The following NEIL2 variants were observed in gnomAD, a reference collection of about 807,000 sequenced individuals.
The protein encoded by NEIL2 is endonuclease 8-like 2.
A neutral mutation model predicts 22.2 loss-of-function variants in NEIL2; 23 were observed. The observed-to-expected ratio is 1.04, with a 90% CI of 0.75 to 1.47. The LOEUF is 1.47. NEIL2 is among the 40% of genes most tolerant of loss of function. NEIL2 has a pLI of 0.00. For synonymous variants in NEIL2, 229 were observed against 164.8 expected, an observed-to-expected ratio of 1.39 and a Z score of -2.99; for missense variants, 583 against 404.7, an observed-to-expected ratio of 1.44 and a Z score of -3.78.
Position 11,770,078 on chromosome 8 carries a change from C to T in NEIL2, c.-260C>T, listed in dbSNP as rs8191521. 14 of 152,216 alleles carry T rather than the reference C, an allele frequency of 9.2e-5. No homozygotes were observed. Among genetic ancestry groups the T allele is most frequent in the East Asian group, 7.7e-4 (4 of 5,164 alleles). 9.4% of individuals were successfully genotyped at this position (152,216 alleles called of 1,614,324 possible). The stretch of plus-strand genomic sequence containing the variant: ...TCCCTGGCTGGCGCAGCGCCAGCCT[C>T]GAGCTCCTCGGTAGCCCCCGGGCAG... On this transcript the variant is annotated 5_prime_UTR_variant, in exon 1 of 5. Transcript: ENST00000284503.
At chr8:11,778,755 C>T (rs1804124958) in intron 2 of NEIL2, among the ~76,000 whole-genome samples, 1 of 151,900 alleles carries the variant, frequency 6.6e-6, no homozygotes, top group South Asian at 2.1e-4. Flanking sequence ...AGTTCGAGAC[C>T]AGCCTTGCTA....
chr8:11,780,374 T>C (rs1196562999), intron 3 of NEIL2, among the ~76,000 whole-genome samples: 2 of 152,160 alleles, frequency 1.3e-5, no homozygotes, highest in African/African-American at 4.8e-5. Flanking sequence ...GTATTCAGCT[T>C]GATGAGTTTT....
chr8:11,784,271 G>A (rs1328933104), intron 4 of NEIL2, among the ~76,000 whole-genome samples: 1 of 152,226 alleles, frequency 6.6e-6, no homozygotes, highest in Non-Finnish European at 1.5e-5. Context: ...GTCGGAAGTG[G>A]CTTTTTGGGT....
Position 11,787,214 on chromosome 8 carries a change from C to G in NEIL2, c.*941C>G, listed in dbSNP as rs1805048535. ...AAAGCTGCTTGTTTACTCCTTAAGT[C>G]AATGTATTGGTGACTGTTGATTTGT... On this transcript the variant is annotated 3_prime_UTR_variant, in exon 5 of 5. Transcript: ENST00000284503. The G allele has an allele frequency of 6.6e-6, 1 of 152,652 alleles. No individual in the cohort carries two copies. The highest frequency in any genetic ancestry group is 1.9e-4 in the East Asian group (1 of 5,192). The allele number at this position is 152,652 out of a possible 1,614,324, so 9.5% of individuals were successfully genotyped here.
At chr8:11,785,530 C>T (rs568079999) in intron 4 of NEIL2, among the ~76,000 whole-genome samples, 7 of 152,328 alleles carry the variant, frequency 4.6e-5, no homozygotes, top group Admixed American at 2.6e-4. Context: ...ATTGAGTACT[C>T]TACATACCAG....
At chr8:11,780,495 C>G (rs1359291613) in intron 3 of NEIL2, among the ~76,000 whole-genome samples, 1 of 152,158 alleles carries the variant, frequency 6.6e-6, no homozygotes, top group Non-Finnish European at 1.5e-5. Context: ...ATTCTCCTGC[C>G]TTAGCCTCGG....
intron 3 of NEIL2, 85 bp from the exon 4 acceptor site, chr8:11,783,118 G>C: frequency 9.1e-7 from 1 of 1,098,110 alleles, no homozygotes; most frequent in Non-Finnish European, 1.4e-6. Flanking sequence ...GGGGATGTGT[G>C]TATGTGTGTA....
At chr8:11,774,342 C>T (rs538884791) in intron 2 of NEIL2, among the ~76,000 whole-genome samples, 7 of 152,258 alleles carry the variant, frequency 4.6e-5, no homozygotes, top group Admixed American at 2.6e-4. Context: ...ACCTGCGCTC[C>T]AGCCTCAGCA....
At position 11,786,191 on chromosome 8, in the gene NEIL2, A is replaced by T. The variant is rs770676301; in HGVS notation, c.917A>T (p.Asp306Val). ...QVMKEAFGPE[D>V]GLQRLTWWCP... ...ATGAAGGAGGCGTTTGGGCCCGAAGATGGGTTACAGAGGCTCACCTGGTGG... is the reference window on the plus strand; with the variant it reads ...ATGAAGGAGGCGTTTGGGCCCGAAGTTGGGTTACAGAGGCTCACCTGGTGG... Residue 306 changes from aspartate to valine, a missense_variant, in exon 5 of 5, where the codon GAT (aspartate) becomes GTT (valine). Asp to Val is a radical substitution (Grantham distance 152). Coordinates refer to ENST00000284503, the MANE Select transcript of NEIL2 (RefSeq NM_145043.4). The T allele has an allele frequency of 6.2e-7, 1 of 1,613,644 alleles. No homozygotes were observed. Among genetic ancestry groups the T allele is most frequent in the Admixed American group, 1.7e-5 (1 of 59,998 alleles).
chr8:11,779,011 TCTA>T (rs943273138), intron 2 of NEIL2, among the ~76,000 whole-genome samples: 2 of 151,818 alleles, frequency 1.3e-5, no homozygotes, highest in Non-Finnish European at 1.5e-5. Context: ...TTTATTTTCT[TCTA>T]CTGAAATCAT....
At chr8:11,775,757 A>G (rs1803856185) in intron 2 of NEIL2, among the ~76,000 whole-genome samples, 1 of 152,214 alleles carries the variant, frequency 6.6e-6, no homozygotes, top group South Asian at 2.1e-4. Flanking sequence ...GGCAGGGGCA[A>G]AATGCCACCA....
In NEIL2 at chr8:11,780,056, G is replaced by T. The variant is rs1418992166; in HGVS notation, c.491+106G>T. 3 of 903,856 alleles carry T rather than the reference G, an allele frequency of 3.3e-6. No individual in the cohort carries two copies. In the African/African-American group the frequency reaches 4.9e-5, roughly 15 times the overall value. The allele number at this position is 903,856 out of a possible 1,614,324, so 56.0% of individuals were successfully genotyped here. On this transcript the variant is annotated intron_variant, in intron 3 of 4. Transcript: ENST00000284503. ...GGGACATACTGAGGACGTCCAGTCT[G>T]CCCCCCAGGGCCCTGCTGTCTTGGG...
intron 2 of NEIL2, among the ~76,000 whole-genome samples, chr8:11,777,306 C>G (rs936494521): frequency 2.0e-5 from 3 of 152,018 alleles, no homozygotes; most frequent in Non-Finnish European, 4.4e-5. Flanking sequence ...CCACACTTTT[C>G]TCTGTGCTCT....
intron 2 of NEIL2, among the ~76,000 whole-genome samples, chr8:11,774,183 C>T (rs1050505116): frequency 2.6e-5 from 4 of 152,160 alleles, no homozygotes; most frequent in African/African-American, 7.2e-5. Context: ...TGAGACCAGC[C>T]TGGCCAACAT....
intron 4 of NEIL2, among the ~76,000 whole-genome samples, chr8:11,783,707 C>T (rs1358277121): frequency 2.6e-5 from 4 of 152,218 alleles, no homozygotes; most frequent in African/African-American, 9.6e-5. Context: ...CACCTCTGTA[C>T]CCTCCACTGC....
At chr8:11,773,034 G>C (rs1368428351) in intron 2 of NEIL2, among the ~76,000 whole-genome samples, 1 of 152,174 alleles carries the variant, frequency 6.6e-6, no homozygotes, top group Non-Finnish European at 1.5e-5. Context: ...GCTCGGAGAA[G>C]GGAGTACTTA....
intron 2 of NEIL2, among the ~76,000 whole-genome samples, chr8:11,775,720 C>G (rs186991631): frequency 1.3e-5 from 2 of 152,332 alleles, no homozygotes; most frequent in East Asian, 1.9e-4. Flanking sequence ...TCATGTCTCT[C>G]AAGTTCAAAT....
chr8:11,783,378 C>T lies in NEIL2; in HGVS notation c.667C>T (p.Gln223Ter), dbSNP rs769009968. The T allele has an allele frequency of 7.9e-5, 128 of 1,614,018 alleles. No individual in the cohort carries two copies. Among genetic ancestry groups the T allele is most frequent in the South Asian group, 1.1e-4 (10 of 91,082 alleles). Residue 223 changes from glutamine (Q) to a stop codon, truncating the protein, a stop_gained, in exon 4 of 5, where the codon CAG becomes TAG. Transcript: ENST00000284503. LOFTEE classifies it low-confidence loss of function (END_TRUNC). ...GCCTGTCTGCTATACACTGCTGGAC[C>T]AGAGATACTTCTCAGGGCTAGGTAT... The part of the protein sequence containing the change: ...AQPVCYTLLD[Q>*]RYFSGLGNII...
Position 11,779,734 on chromosome 8 carries a change from C to G in NEIL2, c.275C>G (p.Pro92Arg). The G allele has an allele frequency of 1.2e-6, 2 of 1,614,160 alleles. No homozygotes were observed. Among genetic ancestry groups the G allele is most frequent in the Non-Finnish European group, 1.7e-6 (2 of 1,180,026 alleles). Residue 92 changes from proline to arginine, a missense_variant, in exon 3 of 5, where the codon CCC (proline) becomes CGC (arginine). By Grantham distance (103) the Pro-to-Arg change is moderately radical (BLOSUM62 -2). Coordinates refer to ENST00000284503, the MANE Select transcript of NEIL2 (RefSeq NM_145043.4). ...GCGGACCCAAAGCAGGTCGGGGAGC[C>G]CAGCGGGCAGAAGACCCTTGATGGA... is the stretch of plus-strand genomic sequence containing the variant. ...GAADPKQVGE[P>R]SGQKTLDGSS...
Sources: allele counts gnomAD v4.1 joint callset (sites outside exome capture counted in the v4.1 genomes callset), GRCh38; gene constraint gnomAD v4.1.1; transcripts MANE v1.5; gene names NCBI Gene and HGNC (gene_info 2026-07-23, HGNC 2026-07-21).